SLC35F4: variants seen among roughly 807,000 people sequenced by gnomAD.
SLC35F4 encodes chromosome 14 open reading frame 36.
A neutral mutation model predicts 44.2 loss-of-function variants in SLC35F4; 24 were observed. That is an observed-to-expected ratio of 0.54 (90% CI 0.39 to 0.76). The LOEUF (loss-of-function observed/expected upper bound fraction) is 0.76, where lower values mean the gene tolerates loss of function less well. Ranked by LOEUF, SLC35F4 falls within the 30% of genes least tolerant of loss-of-function variation. The pLI, the probability that SLC35F4 is intolerant of heterozygous loss-of-function variation, is 0.00. For synonymous variants in SLC35F4, 238 were observed against 223.6 expected, an observed-to-expected ratio of 1.06 and a Z score of -0.57; for missense variants, 562 against 586.1, an observed-to-expected ratio of 0.96 and a Z score of 0.42.
At chr14:57,741,961 T>C (rs193092655) in intron 1 of SLC35F4, among the ~76,000 whole-genome samples, 2 of 152,250 alleles carry the variant, frequency 1.3e-5, no homozygotes, top group Non-Finnish European at 2.9e-5. Flanking sequence ...GAATTTCATA[T>C]CAGGCCAAAC....
chr14:57,681,718 A>G (rs1364414428), intron 1 of SLC35F4, among the ~76,000 whole-genome samples: 2 of 152,170 alleles, frequency 1.3e-5, no homozygotes, highest in East Asian at 3.8e-4. Flanking sequence ...AGGAACCTAC[A>G]GAATGGGAGA....
chr14:57,851,831 T>C (rs938234235), intron 1 of SLC35F4, among the ~76,000 whole-genome samples: 2 of 152,216 alleles, frequency 1.3e-5, no homozygotes, highest in African/African-American at 2.4e-5. Context: ...ACCATGCTAA[T>C]GAAAAGTGTT....
At chr14:57,952,635 A>G (rs192127859) in intron 1 of SLC35F4, among the ~76,000 whole-genome samples, 3 of 152,120 alleles carry the variant, frequency 2.0e-5, no homozygotes, top group African/African-American at 7.2e-5. Flanking sequence ...AAACTTCATG[A>G]AGTACACACA....
At chr14:57,828,218 C>T (rs1883994907) in intron 1 of SLC35F4, among the ~76,000 whole-genome samples, 1 of 152,064 alleles carries the variant, frequency 6.6e-6, no homozygotes, top group African/African-American at 2.4e-5. Context: ...CACACCCATG[C>T]CCCAGATCCA....
intron 1 of SLC35F4, among the ~76,000 whole-genome samples, chr14:57,781,220 G>A (rs1455144058): frequency 1.3e-5 from 2 of 151,828 alleles, no homozygotes; most frequent in African/African-American, 4.8e-5. Flanking sequence ...AAATTTACAA[G>A]GAAAAAAACC....
At chr14:57,867,610 C>CG (rs1237957665), upstream of SLC35F4, among the ~76,000 whole-genome samples, 3 of 151,598 alleles carry the variant, frequency 2.0e-5, no homozygotes, top group Non-Finnish European at 2.9e-5. Flanking sequence ...ACACCCCCCC[C>CG]CACGTGAAAT....
At chr14:57,649,516 G>T (rs553157965) in intron 1 of SLC35F4, among the ~76,000 whole-genome samples, 1 of 152,196 alleles carries the variant, frequency 6.6e-6, no homozygotes, top group East Asian at 1.9e-4. Context: ...CAGATAATCT[G>T]GGATAATCTC....
chr14:57,681,180 A>G (rs1255878955), intron 1 of SLC35F4, among the ~76,000 whole-genome samples: 1 of 152,102 alleles, frequency 6.6e-6, no homozygotes, highest in East Asian at 1.9e-4. Context: ...AGATATATAG[A>G]CCAATGCAAC....
chr14:57,607,873 A>C (rs1314041026), intron 1 of SLC35F4, among the ~76,000 whole-genome samples: 1 of 152,196 alleles, frequency 6.6e-6, no homozygotes, highest in Non-Finnish European at 1.5e-5. Flanking sequence ...AATGGATATA[A>C]ATTGGTAAAT....
chr14:57,735,445 T>A (rs970192679), intron 1 of SLC35F4, among the ~76,000 whole-genome samples: 3 of 152,162 alleles, frequency 2.0e-5, no homozygotes, highest in African/African-American at 7.2e-5. Flanking sequence ...GCTAGAGAGT[T>A]GGCAGGGCCA....
intron 1 of SLC35F4, among the ~76,000 whole-genome samples, chr14:57,958,059 A>T (rs964372349): frequency 4.1e-5 from 6 of 146,040 alleles, no homozygotes; most frequent in East Asian, 2.0e-4. Context: ...ATTAGATGAA[A>T]TTTTTTTTTT....
At chr14:57,696,936 G>A (rs1241638586) in intron 1 of SLC35F4, among the ~76,000 whole-genome samples, 2 of 152,138 alleles carry the variant, frequency 1.3e-5, no homozygotes, top group Non-Finnish European at 2.9e-5. Flanking sequence ...GGGGGAAAGG[G>A]GAGGGAGAGC....
intron 1 of SLC35F4, among the ~76,000 whole-genome samples, chr14:57,802,367 CA>C (rs2078211825): frequency 6.6e-6 from 1 of 151,754 alleles, no homozygotes; most frequent in African/African-American, 2.4e-5. Flanking sequence ...ATGACCATAT[CA>C]AAAAGCTAGA....
chr14:57,834,608 C>A (rs1884712032), intron 1 of SLC35F4, among the ~76,000 whole-genome samples: 1 of 152,178 alleles, frequency 6.6e-6, no homozygotes. Context: ...TTAGAAAGGA[C>A]AATGGTATAA....
At chr14:57,898,145 A>G (rs808241) in intron 1 of SLC35F4, among the ~76,000 whole-genome samples, 81,277 of 152,048 alleles carry the variant, frequency 0.53, 23,798 homozygotes, top group African/African-American at 0.79. Context: ...TTATATAGTC[A>G]GGTTTTCCAG....
At chr14:57,872,339 T>G (rs77933413) in intron 1 of SLC35F4, among the ~76,000 whole-genome samples, 1 of 142,832 alleles carries the variant, frequency 7.0e-6, no homozygotes, top group Non-Finnish European at 1.5e-5. Context: ...ACATTCATCC[T>G]TTTTTTTTTT....
chr14:57,836,621 A>G (rs1884960682), intron 1 of SLC35F4, among the ~76,000 whole-genome samples: 1 of 152,166 alleles, frequency 6.6e-6, no homozygotes, highest in Non-Finnish European at 1.5e-5. Context: ...ACATTTCCTT[A>G]TGAAAACTTT....
Position 57,595,207 on chromosome 14 carries a change from C to T in SLC35F4, c.104-1083G>A, listed in dbSNP as rs1033838211. The stretch of plus-strand genomic sequence containing the variant: ...ATAACCTTGACAGTTCTAAAGAGAG[C>T]TGTTGAAGTACTTCGTAGTCTCTCA... On this transcript the variant is annotated intron_variant, in intron 1 of 7. Coordinates refer to ENST00000556826, the MANE Select transcript of SLC35F4 (RefSeq NM_001306087.2). Among the ~76,000 whole-genome samples, 6 of 152,140 alleles carry T rather than the reference C, an allele frequency of 3.9e-5. No homozygotes were observed. In the East Asian group the frequency reaches 9.6e-4, roughly 24 times the overall value.
intron 1 of SLC35F4, among the ~76,000 whole-genome samples, chr14:57,828,135 C>T (rs1189233294): frequency 6.6e-6 from 1 of 152,182 alleles, no homozygotes; most frequent in Middle Eastern, 3.2e-3. Context: ...ATCACAGGAA[C>T]CCATGAGATC....
Sources: gnomAD v4.1 joint callset for allele counts (sites outside exome capture counted in the v4.1 genomes callset) on GRCh38, gnomAD v4.1.1 for gene constraint, MANE v1.5 for transcripts, NCBI Gene and HGNC (gene_info 2026-07-23, HGNC 2026-07-21) for gene names.